The following SEMA6A variants were observed in gnomAD, a reference collection of about 807,000 sequenced individuals.
The protein encoded by SEMA6A is semaphorin-6A.
A neutral mutation model predicts 96.8 loss-of-function variants in SEMA6A; 25 were observed. That is an observed-to-expected ratio of 0.26 (90% confidence interval 0.19 to 0.36). The LOEUF (loss-of-function observed/expected upper bound fraction) is 0.36, where lower values mean the gene tolerates loss of function less well. SEMA6A is among the 10% of genes least tolerant of loss of function. SEMA6A has a pLI of 1.00. For missense variants in SEMA6A, 1,363 were observed against 1,323.1 expected, an observed-to-expected ratio of 1.03 and a Z score of -0.47; for synonymous variants, 612 against 518.0, an observed-to-expected ratio of 1.18 and a Z score of -2.46.
At chr5:116,472,000 T>A (rs1213556868) in intron 17 of SEMA6A, among the ~76,000 whole-genome samples, 1 of 152,188 alleles carries the variant, frequency 6.6e-6, no homozygotes, top group Non-Finnish European at 1.5e-5. Context: ...CTTGATTATA[T>A]ATCTTAAACA....
intron 18 of SEMA6A, among the ~76,000 whole-genome samples, chr5:116,461,827 T>G (rs1272968454): frequency 6.6e-6 from 1 of 152,200 alleles, no homozygotes. Flanking sequence ...TGTTTGATAT[T>G]TCTTGGACAG....
intron 1 of SEMA6A, among the ~76,000 whole-genome samples, chr5:116,518,773 A>C (rs1758786556): frequency 6.6e-6 from 1 of 152,216 alleles, no homozygotes; most frequent in Non-Finnish European, 1.5e-5. Flanking sequence ...CAGAGAGGTC[A>C]ACCTGCATCA....
chr5:116,467,908 T>G, intron 17 of SEMA6A, 161 bp from the exon 18 acceptor site: 4 of 609,264 alleles, frequency 6.6e-6, no homozygotes, highest in Non-Finnish European at 8.4e-6. Flanking sequence ...GTGGTGGTGG[T>G]GGTGGTGTGG....
rs76122317 is a variant in SEMA6A, at chr5:116,561,753, G to A, written c.-39+12432C>T. Among the ~76,000 whole-genome samples, 132 of 152,334 alleles carry A rather than the reference G, an allele frequency of 8.7e-4. 1 individual carries two copies. In the East Asian group the frequency reaches 0.011, roughly 13 times the overall value. ...GTCCTTTTAATTCTTGGGAACGGAT[G>A]TGTTTGGGCAATATTAACAGGTTTT... is the stretch of plus-strand genomic sequence containing the variant. On this transcript the variant is annotated intron_variant, in intron 1 of 18. Coordinates refer to ENST00000343348, the MANE Select transcript of SEMA6A (RefSeq NM_020796.5).
At position 116,574,363 on chromosome 5, in the gene SEMA6A, G is replaced by T. The variant is rs1365392534; in HGVS notation, c.-217C>A. The T allele has an allele frequency of 6.6e-6, 1 of 151,988 alleles. No homozygotes were observed. Among genetic ancestry groups the T allele is most frequent in the East Asian group, 1.9e-4 (1 of 5,154 alleles). 9.4% of individuals were successfully genotyped at this position (151,988 alleles called of 1,614,324 possible). On this transcript the variant is annotated 5_prime_UTR_variant, in exon 1 of 19. Transcript: ENST00000343348. Reference sequence around the variant, plus strand: ...TCTCTTTGGGGGAAATAGTCGCGGCGACTACTTTCTGGGATGCAAACGCGA... The same window carrying T: ...TCTCTTTGGGGGAAATAGTCGCGGCTACTACTTTCTGGGATGCAAACGCGA...
At chr5:116,487,429 T>C (rs1220479783) in intron 9 of SEMA6A, among the ~76,000 whole-genome samples, 1 of 152,138 alleles carries the variant, frequency 6.6e-6, no homozygotes, top group African/African-American at 2.4e-5. Flanking sequence ...CTAAGTGTTG[T>C]ATATTGCTTT....
chr5:116,489,034 C>T (rs141689330), intron 7 of SEMA6A, 27 bp from the exon 8 acceptor site: 3 of 1,548,558 alleles, frequency 1.9e-6, no homozygotes, highest in Admixed American at 2.0e-5. Flanking sequence ...AAGAGGTGAA[C>T]AGGGTGGGAG....
chr5:116,454,928 G>C (rs1754912707), intron 18 of SEMA6A, among the ~76,000 whole-genome samples: 1 of 152,146 alleles, frequency 6.6e-6, no homozygotes, highest in Admixed American at 6.6e-5. Flanking sequence ...CCATGCCAAA[G>C]TGGAGGTAGC....
At chr5:116,543,571 A>G (rs2112868262) in intron 1 of SEMA6A, among the ~76,000 whole-genome samples, 1 of 152,350 alleles carries the variant, frequency 6.6e-6, no homozygotes, top group African/African-American at 2.4e-5. Context: ...CAAGAATTTC[A>G]CCTTTTAATT....
intron 1 of SEMA6A, among the ~76,000 whole-genome samples, chr5:116,531,532 C>T (rs1049309157): frequency 1.2e-4 from 19 of 152,104 alleles, no homozygotes; most frequent in Admixed American, 6.6e-4. Flanking sequence ...AAAATTTTGA[C>T]GCTAGGTGTC....
chr5:116,448,625 C>A (rs1400498452), intron 18 of SEMA6A, among the ~76,000 whole-genome samples: 1 of 151,976 alleles, frequency 6.6e-6, no homozygotes, highest in African/African-American at 2.4e-5. Context: ...CCGGAGCCTC[C>A]GTCTGGGGAA....
chr5:116,480,209 G>T lies in SEMA6A; in HGVS notation c.1163C>A (p.Thr388Asn). Residue 388 changes from threonine to asparagine, a missense_variant, in exon 12 of 19, where the codon ACC (threonine) becomes AAC (asparagine). Physicochemically the swap from Thr to Asn is moderately conservative, Grantham distance 65 (BLOSUM62 0). Transcript: ENST00000343348. ...CGGGTGCGTCTTGATGAAGTTCAGG[G>T]TATCATCAGGGAACTCATTGGAGGT... ...YATSNEFPDD[T>N]LNFIKTHPLM... 6.2e-7 allele frequency: 1 copy of T among 1,613,784 alleles called. No individual in the cohort carries two copies. The highest frequency in any genetic ancestry group is 8.5e-7 in the Non-Finnish European group (1 of 1,179,734).
At chr5:116,463,916 T>C (rs1011795796) in intron 18 of SEMA6A, among the ~76,000 whole-genome samples, 1 of 152,252 alleles carries the variant, frequency 6.6e-6, no homozygotes, top group African/African-American at 2.4e-5. Flanking sequence ...CTCTCTTGGC[T>C]GCTCTGGATG....
At position 116,447,458 on chromosome 5, in the gene SEMA6A, G is replaced by A. The variant is rs1254924265; in HGVS notation, c.2248C>T (p.Leu750=). The stretch of plus-strand genomic sequence containing the variant: ...GGGGTGGGGAGGGCCGTCAGGTCCA[G>A]GTGGTGCTGGTCTGCTTTAATGAGC... ...KMLIKADQHH[L]DLTALPTPES... The change falls in exon 19 of 19, where the codon CTG becomes TTG. Residue 750 remains leucine, a synonymous_variant. Transcript: ENST00000343348. The A allele has an allele frequency of 1.9e-6, 3 of 1,613,970 alleles. No homozygotes were observed. Among genetic ancestry groups the A allele is most frequent in the Non-Finnish European group, 2.5e-6 (3 of 1,179,914 alleles).
chr5:116,462,198 G>T (rs184155390), intron 18 of SEMA6A, among the ~76,000 whole-genome samples: 3 of 152,150 alleles, frequency 2.0e-5, no homozygotes, highest in Admixed American at 6.6e-5. Flanking sequence ...GAGTAACCAG[G>T]GGGTAGGATC....
At chr5:116,450,260 A>G (rs1416440036) in intron 18 of SEMA6A, among the ~76,000 whole-genome samples, 5 of 151,792 alleles carry the variant, frequency 3.3e-5, no homozygotes, top group Admixed American at 3.3e-4. Flanking sequence ...GTGGGGGTGT[A>G]TTAGGTGTTT....
intron 12 of SEMA6A, among the ~76,000 whole-genome samples, chr5:116,478,929 A>AGTGTGTGTGTGTGT (rs34260068): frequency 3.3e-5 from 5 of 149,358 alleles, no homozygotes; most frequent in East Asian, 2.0e-4. Flanking sequence ...GGTGTGAGAG[A>AGTGTGTGTGTGTGT]GTGTGTGTGT....
chr5:116,494,829 T>C (rs955356067), intron 6 of SEMA6A, among the ~76,000 whole-genome samples: 2 of 152,038 alleles, frequency 1.3e-5, no homozygotes, highest in African/African-American at 4.8e-5. Context: ...CCTGGCGAGG[T>C]CCCTGCTCCT....
At chr5:116,495,168 A>G (rs1222081075) in intron 6 of SEMA6A, among the ~76,000 whole-genome samples, 1 of 152,142 alleles carries the variant, frequency 6.6e-6, no homozygotes, top group Non-Finnish European at 1.5e-5. Context: ...AACAATAGAG[A>G]AAAGGGTCTT....
Sources: gnomAD v4.1 joint callset for allele counts (sites outside exome capture counted in the v4.1 genomes callset) on GRCh38, gnomAD v4.1.1 for gene constraint, MANE v1.5 for transcripts, NCBI Gene and HGNC (gene_info 2026-07-23, HGNC 2026-07-21) for gene names.